Variants in CPE observed in about 807,000 individuals in gnomAD.
The protein encoded by CPE is carboxypeptidase E.
Under a neutral mutation model 53.5 loss-of-function variants are expected in CPE, and 17 were observed. The observed-to-expected ratio is 0.32, with a 90% CI of 0.22 to 0.48. The LOEUF is 0.48. CPE is among the 20% of genes least tolerant of loss of function. The pLI is 0.99. For missense variants in CPE, 524 were observed against 614.7 expected, an observed-to-expected ratio of 0.85 and a Z score of 1.56; for synonymous variants, 226 against 228.8, an observed-to-expected ratio of 0.99 and a Z score of 0.11.
At chr4:165,451,010 C>T (rs1731798306) in intron 1 of CPE, among the ~76,000 whole-genome samples, 1 of 152,192 alleles carries the variant, frequency 6.6e-6, no homozygotes, top group South Asian at 2.1e-4. Context: ...GGTTCTTAGG[C>T]CTGCAGGATA....
At chr4:165,420,512 T>C in intron 1 of CPE, among the ~76,000 whole-genome samples, 1 of 152,094 alleles carries the variant, frequency 6.6e-6, no homozygotes, top group Non-Finnish European at 1.5e-5. Flanking sequence ...AGTTTGTTTA[T>C]TTATTTCTTT....
chr4:165,429,371 C>T (rs67474738), intron 1 of CPE, among the ~76,000 whole-genome samples: 44,904 of 151,948 alleles, frequency 0.3, 6,715 homozygotes, highest in Middle Eastern at 0.39. Context: ...AAAAACATTC[C>T]CACTTATTGG....
chr4:165,424,155 T>C (rs1731277526), intron 1 of CPE, among the ~76,000 whole-genome samples: 1 of 152,160 alleles, frequency 6.6e-6, no homozygotes, highest in East Asian at 1.9e-4. Context: ...TCACTAGATA[T>C]TTTGCCTTTT....
At chr4:165,443,845 G>A (rs186001106) in intron 1 of CPE, among the ~76,000 whole-genome samples, 15 of 152,278 alleles carry the variant, frequency 9.9e-5, no homozygotes, top group Admixed American at 5.2e-4. Context: ...GCCTTTGGGA[G>A]GTGATTTGTA....
At chr4:165,440,612 G>A (rs895709961) in intron 1 of CPE, among the ~76,000 whole-genome samples, 2 of 152,116 alleles carry the variant, frequency 1.3e-5, no homozygotes, top group African/African-American at 2.4e-5. Context: ...TATCCACTTT[G>A]TGGGATTTTT....
intron 1 of CPE, among the ~76,000 whole-genome samples, chr4:165,411,220 A>G (rs10030374): frequency 0.29 from 43,709 of 152,068 alleles, 6,433 homozygotes; most frequent in Middle Eastern, 0.39. Context: ...CATTGTTGGA[A>G]AGGGAGGTTT....
chr4:165,443,493 T>G (rs961635370), intron 1 of CPE, among the ~76,000 whole-genome samples: 2 of 152,182 alleles, frequency 1.3e-5, no homozygotes, highest in Non-Finnish European at 2.9e-5. Flanking sequence ...AAGTCTGAGA[T>G]CAAAGGCAGG....
chr4:165,430,193 G>T (rs1385499198), intron 1 of CPE, among the ~76,000 whole-genome samples: 2 of 152,162 alleles, frequency 1.3e-5, no homozygotes, highest in Non-Finnish European at 2.9e-5. Context: ...TTGCTTGTAA[G>T]TAACCATACG....
At chr4:165,456,626 G>T (rs2126695395) in intron 1 of CPE, among the ~76,000 whole-genome samples, 1 of 152,006 alleles carries the variant, frequency 6.6e-6, no homozygotes, top group East Asian at 1.9e-4. Context: ...GAGTGCAGTG[G>T]CGCGATCTCG....
chr4:165,481,780 G>A (rs188179261), intron 3 of CPE, among the ~76,000 whole-genome samples: 2 of 152,170 alleles, frequency 1.3e-5, no homozygotes, highest in African/African-American at 4.8e-5. Flanking sequence ...TGGGAAAATA[G>A]TAAGCAAAAT....
intron 1 of CPE, among the ~76,000 whole-genome samples, chr4:165,461,241 G>T (rs1217239391): frequency 6.8e-6 from 1 of 147,138 alleles, no homozygotes; most frequent in East Asian, 2.0e-4. Flanking sequence ...TTAGACTAAA[G>T]CTACTCCAAG....
intron 1 of CPE, chr4:165,405,994 T>C (rs1294793534): frequency 9.4e-6 from 7 of 748,360 alleles, no homozygotes; most frequent in Admixed American, 1.7e-5. Flanking sequence ...GTGGTATCTG[T>C]GTTACTTCTT....
intron 7 of CPE, among the ~76,000 whole-genome samples, chr4:165,494,653 T>G (rs1246853302): frequency 6.6e-6 from 1 of 152,160 alleles, no homozygotes; most frequent in Non-Finnish European, 1.5e-5. Flanking sequence ...CAAGACAGAA[T>G]AAGAAAAGAA....
chr4:165,384,061 C>G (rs570210766), intron 1 of CPE, among the ~76,000 whole-genome samples: 1 of 152,332 alleles, frequency 6.6e-6, no homozygotes, highest in South Asian at 2.1e-4. Context: ...GCAGACGACT[C>G]ATTTGCTAGT....
intron 1 of CPE, among the ~76,000 whole-genome samples, chr4:165,411,583 C>G (rs1228870785): frequency 1.3e-5 from 2 of 152,160 alleles, no homozygotes; most frequent in African/African-American, 4.8e-5. Flanking sequence ...AGCTTTGCCT[C>G]CTTTTTGAGT....
At chr4:165,488,165 C>T (rs1732540818) in intron 6 of CPE, among the ~76,000 whole-genome samples, 1 of 152,080 alleles carries the variant, frequency 6.6e-6, no homozygotes, top group African/African-American at 2.4e-5. Flanking sequence ...ACACAACAAC[C>T]TTATGAGGGA....
chr4:165,445,022 A>C (rs1398541840), intron 1 of CPE, among the ~76,000 whole-genome samples: 1 of 151,974 alleles, frequency 6.6e-6, no homozygotes, highest in East Asian at 1.9e-4. Context: ...AGTGGCACGA[A>C]CTTGGCTTAC....
At chr4:165,450,792 A>G (rs1486029299) in intron 1 of CPE, among the ~76,000 whole-genome samples, 2 of 152,192 alleles carry the variant, frequency 1.3e-5, no homozygotes, top group Non-Finnish European at 2.9e-5. Flanking sequence ...TGAATCTTGG[A>G]GCTGAAGCCA....
intron 1 of CPE, among the ~76,000 whole-genome samples, chr4:165,448,597 C>T (rs1261206031): frequency 1.3e-5 from 2 of 152,082 alleles, no homozygotes; most frequent in African/African-American, 4.8e-5. Context: ...ACAACCACTG[C>T]TGGTTTTGGT....
Sources: gnomAD v4.1 joint callset for allele counts (sites outside exome capture counted in the v4.1 genomes callset) on GRCh38, gnomAD v4.1.1 for gene constraint, MANE v1.5 for transcripts, NCBI Gene and HGNC (gene_info 2026-07-23, HGNC 2026-07-21) for gene names.